Variants in ABRAXAS2 observed in about 807,000 individuals in gnomAD.
ABRAXAS2 encodes the protein BRISC complex subunit Abraxas 2.
In ABRAXAS2, 23 loss-of-function variants were observed where a neutral mutation model predicts 49.0. The observed-to-expected ratio is 0.47, with a 90% CI of 0.34 to 0.66. The LOEUF (loss-of-function observed/expected upper bound fraction) is 0.66. Ranked by LOEUF, ABRAXAS2 falls within the 30% of genes least tolerant of loss-of-function variation. ABRAXAS2 has a pLI of 0.01. For missense variants in ABRAXAS2, 443 were observed against 511.9 expected (o/e 0.87, Z 1.30); for synonymous variants, 168 against 180.2 (o/e 0.93, Z 0.54).
At chr10:124,834,412 T>A in intron 8 of ABRAXAS2, 90 bp from the exon 9 acceptor site, 4 of 1,093,592 alleles carry the variant, frequency 3.7e-6, no homozygotes, top group Non-Finnish European at 5.2e-6. Flanking sequence ...ACTGCTATTT[T>A]CCAGAACATT....
chr10:124,809,145 G>T (rs900973040), intron 2 of ABRAXAS2, among the ~76,000 whole-genome samples: 25 of 151,462 alleles, frequency 1.7e-4, no homozygotes, highest in African/African-American at 5.6e-4. Flanking sequence ...AAAGAAAAAA[G>T]AAAAAGAAAA....
chr10:124,814,376 G>C (rs910894962), intron 2 of ABRAXAS2, among the ~76,000 whole-genome samples: 15 of 148,626 alleles, frequency 1.0e-4, no homozygotes, highest in African/African-American at 3.7e-4. Context: ...TTGAGACCGA[G>C]TCTCACTCTG....
At chr10:124,806,242 C>T (rs1265245533) in intron 1 of ABRAXAS2, among the ~76,000 whole-genome samples, 3 of 150,966 alleles carry the variant, frequency 2.0e-5, no homozygotes, top group African/African-American at 7.3e-5. Flanking sequence ...GAAGGTGGAG[C>T]TTGCAGTTAG....
chr10:124,825,438 ACTC>A (rs1950890910), intron 4 of ABRAXAS2, among the ~76,000 whole-genome samples: 1 of 151,704 alleles, frequency 6.6e-6, no homozygotes, highest in African/African-American at 2.4e-5. Context: ...GTTCAGTAGT[ACTC>A]CTTAAGTCAG....
intron 1 of ABRAXAS2, among the ~76,000 whole-genome samples, chr10:124,804,258 G>A (rs1340484578): frequency 2.6e-5 from 4 of 152,184 alleles, no homozygotes; most frequent in African/African-American, 9.7e-5. Context: ...ATGGAAGACT[G>A]TTGTAGGGTT....
rs1004073647 is a variant in ABRAXAS2, at chr10:124,818,351, G to A, written c.201-1033G>A. 6.7e-5 allele frequency among the ~76,000 whole-genome samples: 10 copies of A among 149,792 alleles called. No homozygotes were observed. In the South Asian group the frequency reaches 1.1e-3, roughly 16 times the overall value. ...GTGGAGCTTGGAGAGAGCCGAGATC[G>A]CGCCACTGCACTCCAGCCTGGGTGA... is the stretch of plus-strand genomic sequence containing the variant. On this transcript the variant is annotated intron_variant, in intron 3 of 8. Coordinates refer to ENST00000298492, the MANE Select transcript of ABRAXAS2 (RefSeq NM_032182.4).
chr10:124,808,332 C>T (rs952236416), intron 2 of ABRAXAS2, among the ~76,000 whole-genome samples: 4 of 152,052 alleles, frequency 2.6e-5, no homozygotes, highest in Admixed American at 6.6e-5. Flanking sequence ...CCTGCAACCA[C>T]GCCCGGCTAA....
chr10:124,828,149 C>T (rs1231817298), intron 5 of ABRAXAS2, among the ~76,000 whole-genome samples: 1 of 152,164 alleles, frequency 6.6e-6, no homozygotes, highest in Non-Finnish European at 1.5e-5. Context: ...CTCCTACCAC[C>T]AAGCCCCATT....
chr10:124,812,192 A>C (rs1950794354), intron 2 of ABRAXAS2, among the ~76,000 whole-genome samples: 2 of 152,226 alleles, frequency 1.3e-5, no homozygotes, highest in Non-Finnish European at 2.9e-5. Flanking sequence ...AGTAACAATC[A>C]GTGGGGAGTC....
At chr10:124,805,806 T>C (rs1044790399) in intron 1 of ABRAXAS2, among the ~76,000 whole-genome samples, 2 of 152,142 alleles carry the variant, frequency 1.3e-5, no homozygotes, top group African/African-American at 2.4e-5. Context: ...CCGTGTGATA[T>C]CTGGGGAGAG....
chr10:124,804,738 G>C (rs1165953458), intron 1 of ABRAXAS2, among the ~76,000 whole-genome samples: 1 of 127,298 alleles, frequency 7.9e-6, no homozygotes, highest in African/African-American at 3.0e-5. Flanking sequence ...TTTTGAGACA[G>C]AGTCTTGCTC....
At chr10:124,824,191 C>T (rs1251537339) in intron 4 of ABRAXAS2, among the ~76,000 whole-genome samples, 1 of 152,156 alleles carries the variant, frequency 6.6e-6, no homozygotes, top group Non-Finnish European at 1.5e-5. Context: ...AGTGAGTCAC[C>T]ACACCCAGCC....
chr10:124,802,382 T>C (rs1356821829), intron 1 of ABRAXAS2, among the ~76,000 whole-genome samples: 1 of 152,228 alleles, frequency 6.6e-6, no homozygotes, highest in Non-Finnish European at 1.5e-5. Context: ...TCACTACTGA[T>C]ACTTGTTAGA....
chr10:124,810,488 T>A (rs1235795686), intron 2 of ABRAXAS2, among the ~76,000 whole-genome samples: 11 of 152,176 alleles, frequency 7.2e-5, no homozygotes, highest in Admixed American at 7.2e-4. Flanking sequence ...ATCATACCAG[T>A]TCACTCCAGG....
intron 5 of ABRAXAS2, among the ~76,000 whole-genome samples, 175 bp from the exon 6 acceptor site, chr10:124,828,581 T>G (rs1950911415): frequency 6.6e-6 from 1 of 152,014 alleles, no homozygotes. Context: ...TTGGCCAGGC[T>G]GGCGTTGGTC....
At chr10:124,830,765 G>C (rs1479565220) in intron 7 of ABRAXAS2, among the ~76,000 whole-genome samples, 1 of 152,222 alleles carries the variant, frequency 6.6e-6, no homozygotes, top group Non-Finnish European at 1.5e-5. Flanking sequence ...CTGGCCAAAA[G>C]TGGCTGTTAT....
chr10:124,805,464 A>G (rs1467733876), intron 1 of ABRAXAS2, among the ~76,000 whole-genome samples: 1 of 152,234 alleles, frequency 6.6e-6, no homozygotes, highest in African/African-American at 2.4e-5. Context: ...ATAGAAGGAT[A>G]TATCGTACAA....
At chr10:124,819,793 A>G (rs935416657) in intron 4 of ABRAXAS2, among the ~76,000 whole-genome samples, 20 of 152,042 alleles carry the variant, frequency 1.3e-4, no homozygotes, top group Admixed American at 3.9e-4. Context: ...AAAAAAGAAA[A>G]AAAAAAAAAG....
chr10:124,821,480 C>T (rs917808325), intron 4 of ABRAXAS2, among the ~76,000 whole-genome samples: 1 of 151,852 alleles, frequency 6.6e-6, no homozygotes, highest in Non-Finnish European at 1.5e-5. Flanking sequence ...GCAGGAGAAT[C>T]GCTTGAACCC....
Sources: allele counts gnomAD v4.1 joint callset (sites outside exome capture counted in the v4.1 genomes callset), GRCh38; gene constraint gnomAD v4.1.1; transcripts MANE v1.5; gene names NCBI Gene and HGNC (gene_info 2026-07-23, HGNC 2026-07-21).